Variants in CPZ observed in about 807,000 individuals in gnomAD.
The protein encoded by CPZ is carboxypeptidase Z, also known as VEZT/CPZ fusion.
A neutral mutation model predicts 61.8 loss-of-function variants in CPZ; 103 were observed. The observed-to-expected ratio is 1.67, with a 90% CI of 1.42 to 1.96. The LOEUF (loss-of-function observed/expected upper bound fraction) is 1.96, where lower values mean the gene tolerates loss of function less well. Ranked by LOEUF, CPZ falls within the 30% of genes most tolerant of loss-of-function variation. CPZ has a pLI of 0.00. For synonymous variants in CPZ, 551 were observed against 373.7 expected, an observed-to-expected ratio of 1.47 and a Z score of -5.47; for missense variants, 1,461 against 914.9, an observed-to-expected ratio of 1.60 and a Z score of -7.70.
intron 7 of CPZ, among the ~76,000 whole-genome samples, chr4:8,610,742 G>C (rs1715582414): frequency 6.6e-6 from 1 of 152,204 alleles, no homozygotes; most frequent in African/African-American, 2.4e-5. Context: ...CACAGGTGCA[G>C]GGGCTGCTGG....
Position 8,606,786 on chromosome 4 carries a change from T to TGGATCTGAACCGAAATTTCCC in CPZ, c.960_980dup (p.Asn322_Leu328dup). 1.2e-6 allele frequency: 2 copies of TGGATCTGAACCGAAATTTCCC among 1,614,178 alleles called. No homozygotes were observed. The highest frequency in any genetic ancestry group is 1.7e-6 in the Non-Finnish European group (2 of 1,180,032). On this transcript the variant is annotated inframe_insertion, in exon 6 of 11. Transcript: ENST00000360986. ...AGCGGGAGGCAGAACGCGCAGAACC[T>TGGATCTGAACCGAAATTTCCC]GGATCTGAACCGAAATTTCCCGGAC...
At chr4:8,618,309 C>T in intron 9 of CPZ, 120 bp from the exon 10 acceptor site, 1 of 846,390 alleles carries the variant, frequency 1.2e-6, no homozygotes. Context: ...GAGTGGGGCT[C>T]TGTGGGGTAG....
At chr4:8,615,719 A>G (rs917014355) in intron 9 of CPZ, among the ~76,000 whole-genome samples, 1 of 152,184 alleles carries the variant, frequency 6.6e-6, no homozygotes, top group African/African-American at 2.4e-5. Flanking sequence ...AGAGGGTCAG[A>G]GAGTGACATG....
intron 3 of CPZ, chr4:8,602,598 A>G (rs1166874763): frequency 6.6e-6 from 1 of 152,290 alleles, no homozygotes; most frequent in South Asian, 2.1e-4. Flanking sequence ...TGGAAGAGGA[A>G]GTGGAGCCTC....
intron 9 of CPZ, 42 bp from the exon 10 acceptor site, chr4:8,618,387 A>C: frequency 1.3e-6 from 2 of 1,592,970 alleles, no homozygotes; most frequent in Non-Finnish European, 1.7e-6. Context: ...GCTCAGCAGG[A>C]GAGCTCACGC....
At chr4:8,612,711 T>C (rs1425440178) in intron 8 of CPZ, among the ~76,000 whole-genome samples, 2 of 152,228 alleles carry the variant, frequency 1.3e-5, no homozygotes, top group Non-Finnish European at 2.9e-5. Flanking sequence ...CATATGCCAC[T>C]GTGTGTCCTG....
chr4:8,599,803 A>C, intron 2 of CPZ: 2 of 388,176 alleles, frequency 5.2e-6, no homozygotes, highest in Non-Finnish European at 8.9e-6. Flanking sequence ...CATGCATTTC[A>C]TGGTCACTGG....
intron 7 of CPZ, among the ~76,000 whole-genome samples, chr4:8,608,246 T>G (rs1457233546): frequency 1.3e-5 from 2 of 151,044 alleles, no homozygotes; most frequent in African/African-American, 4.9e-5. Context: ...ACCTGGCCCC[T>G]TGATGGCCCA....
At chr4:8,617,084 C>A (rs575529970) in intron 9 of CPZ, among the ~76,000 whole-genome samples, 1 of 152,210 alleles carries the variant, frequency 6.6e-6, no homozygotes, top group African/African-American at 2.4e-5. Context: ...GACAGCTGGG[C>A]GTGAGCCTGG....
chr4:8,610,527 G>T (rs372835341), intron 7 of CPZ, among the ~76,000 whole-genome samples: 1 of 151,104 alleles, frequency 6.6e-6, no homozygotes, highest in African/African-American at 2.4e-5. Context: ...AGAGAGTCTT[G>T]TCCCACCCTC....
At chr4:8,606,985 T>G in intron 6 of CPZ, 87 bp downstream of exon 6, 1 of 1,439,728 alleles carries the variant, frequency 6.9e-7, no homozygotes, top group South Asian at 1.3e-5. Flanking sequence ...TGTCCTTCCC[T>G]GGGGACAGGA....
In CPZ at chr4:8,606,859, C is replaced by G; in HGVS notation, c.1029C>G (p.Ser343Arg). ...YRLAETRGARSDHIPIPQHYW... is the reference protein window; with the variant it reads ...YRLAETRGARRDHIPIPQHYW... ...TGGCGGAGACCCGCGGCGCACGCAG[C>G]GACCACATCCCCATCCCCCAGCACT... is the stretch of plus-strand genomic sequence containing the variant. The change falls in exon 6 of 11, where the codon AGC (serine) becomes AGG (arginine). Residue 343 changes from serine (S) to arginine (R), a missense_variant. Coordinates refer to ENST00000360986, the MANE Select transcript of CPZ (RefSeq NM_001014447.3). The G allele has an allele frequency of 6.2e-7, 1 of 1,613,190 alleles. No individual in the cohort carries two copies. Among genetic ancestry groups the G allele is most frequent in the Non-Finnish European group, 8.5e-7 (1 of 1,179,778 alleles).
In CPZ at chr4:8,618,183, G is replaced by A. The variant is rs559372938; in HGVS notation, c.1504-246G>A. The A allele has an allele frequency of 2.3e-5, 12 of 519,162 alleles. No individual in the cohort carries two copies. The East Asian group carries it at 4.1e-4, about 18-fold the overall frequency. 32.2% of individuals were successfully genotyped at this position (519,162 alleles called of 1,614,324 possible). A position where few individuals can be genotyped will look rare whatever the true frequency, so the allele number is the denominator to read the frequency against. Reference sequence around the variant, plus strand: ...AGATGGAGTCAGCCAGGCCTCGGGTGAGATGCAGGGTCATTCAAAAGCCCA... The same window carrying A: ...AGATGGAGTCAGCCAGGCCTCGGGTAAGATGCAGGGTCATTCAAAAGCCCA... On this transcript the variant is annotated intron_variant, in intron 9 of 10. Coordinates refer to ENST00000360986, the MANE Select transcript of CPZ (RefSeq NM_001014447.3).
intron 6 of CPZ, 43 bp downstream of exon 6, chr4:8,606,941 CA>C (rs1450002734): frequency 1.3e-6 from 2 of 1,546,150 alleles, no homozygotes; most frequent in South Asian, 1.2e-5. Context: ...CCAAGGCATC[CA>C]GGGGTCCCTA....
Position 8,604,189 on chromosome 4 carries a change from G to C in CPZ, c.709+1G>C. 1.3e-6 allele frequency: 2 copies of C among 1,545,764 alleles called. No homozygotes were observed. Among genetic ancestry groups the C allele is most frequent in the South Asian group, 2.4e-5 (2 of 83,718 alleles). ...AGCCGCCCCGGCCAGCACGAGCTGA[G>C]TGAGTGCCCTTGGGAGAGCCTGGCC... On this transcript the variant is annotated splice_donor_variant, in intron 4 of 10. Transcript: ENST00000360986. LOFTEE classifies it high-confidence loss of function.
At chr4:8,608,434 G>GAGA (rs1715240824) in intron 7 of CPZ, among the ~76,000 whole-genome samples, 1 of 152,210 alleles carries the variant, frequency 6.6e-6, no homozygotes, top group Non-Finnish European at 1.5e-5. Flanking sequence ...CCTTTCTGAG[G>GAGA]CCACCCGGCC....
Position 8,612,190 on chromosome 4 carries a change from C to A in CPZ, c.1363+28C>A, listed in dbSNP as rs12511563. The A allele has an allele frequency of 7.1e-4, 360 of 509,238 alleles. 1 individual carries two copies. The highest frequency in any genetic ancestry group is 6.2e-3 in the African/African-American group (270 of 43,854). The allele number at this position is 509,238 out of a possible 1,614,324, so 31.5% of individuals were successfully genotyped here. ...GCGGCTTCCGCAGGGCGGGACTGGG[C>A]GGGGGGTGGGGGGTGCAGGGGCTGG... On this transcript the variant is annotated intron_variant, in intron 8 of 10. Coordinates refer to ENST00000360986, the MANE Select transcript of CPZ (RefSeq NM_001014447.3).
intron 1 of CPZ, 102 bp from the exon 2 acceptor site, chr4:8,599,351 C>G: frequency 7.2e-7 from 1 of 1,381,788 alleles, no homozygotes; most frequent in Non-Finnish European, 9.6e-7. Flanking sequence ...GGAGGGTGGC[C>G]TGGGCTGGTC....
rs879260780 is a variant in CPZ, at chr4:8,607,561, T to G, written c.1227+136T>G. 70 of 968,242 alleles carry G rather than the reference T, an allele frequency of 7.2e-5. No homozygotes were observed. The Admixed American group carries it at 1.9e-3, about 27-fold the overall frequency. 60.0% of individuals were successfully genotyped at this position (968,242 alleles called of 1,614,324 possible). On this transcript the variant is annotated intron_variant, in intron 7 of 10. Coordinates refer to ENST00000360986, the MANE Select transcript of CPZ (RefSeq NM_001014447.3). ...CTACTCAGAGCGGGTCAGCACCACC[T>G]GCTCCAGGCCCAGCTCTGCAGGGAA... is the stretch of plus-strand genomic sequence containing the variant.
Sources: allele counts gnomAD v4.1 joint callset (sites outside exome capture counted in the v4.1 genomes callset), GRCh38; gene constraint gnomAD v4.1.1; transcripts MANE v1.5; gene names NCBI Gene and HGNC (gene_info 2026-07-23, HGNC 2026-07-21).